The following PPM1E variants were observed in gnomAD, a reference collection of about 807,000 sequenced individuals.
PPM1E encodes protein phosphatase 1E.
PPM1E carries 20 observed loss-of-function variants against 65.9 expected under a neutral mutation model. That is an observed-to-expected ratio of 0.30 (90% CI 0.21 to 0.44). The LOEUF (loss-of-function observed/expected upper bound fraction) is 0.44. PPM1E is among the 20% of genes least tolerant of loss of function. The pLI is 1.00. For synonymous variants in PPM1E, 352 were observed against 374.9 expected (o/e 0.94, Z 0.70); for missense variants, 713 against 953.1 (o/e 0.75, Z 3.32).
At chr17:58,957,328 G>T (rs1460027827) in intron 2 of PPM1E, among the ~76,000 whole-genome samples, 1 of 152,158 alleles carries the variant, frequency 6.6e-6, no homozygotes, top group African/African-American at 2.4e-5. Flanking sequence ...AATCTAGAAA[G>T]ATTGCAGTGT....
chr17:58,808,059 T>A (rs1004789920), intron 1 of PPM1E, among the ~76,000 whole-genome samples: 9 of 152,222 alleles, frequency 5.9e-5, no homozygotes, highest in African/African-American at 2.2e-4. Flanking sequence ...TGTGTGTTTA[T>A]ATGTGTATGT....
At chr17:58,858,943 A>C (rs1311901023) in intron 1 of PPM1E, among the ~76,000 whole-genome samples, 6 of 152,214 alleles carry the variant, frequency 3.9e-5, no homozygotes, top group Admixed American at 2.6e-4. Context: ...TTACATTTTT[A>C]ATTTGCATTA....
chr17:58,806,665 G>A (rs1275417908), intron 1 of PPM1E, among the ~76,000 whole-genome samples: 2 of 151,640 alleles, frequency 1.3e-5, no homozygotes, highest in Non-Finnish European at 2.9e-5. Flanking sequence ...CAGGATCACA[G>A]GATAACCTAA....
At chr17:58,896,778 A>G (rs1421935009) in intron 1 of PPM1E, among the ~76,000 whole-genome samples, 1 of 152,202 alleles carries the variant, frequency 6.6e-6, no homozygotes, top group African/African-American at 2.4e-5. Flanking sequence ...ACTAGACAAC[A>G]GACTTTCAAT....
intron 1 of PPM1E, among the ~76,000 whole-genome samples, chr17:58,758,995 A>C (rs1476925436): frequency 6.6e-6 from 1 of 152,110 alleles, no homozygotes; most frequent in Non-Finnish European, 1.5e-5. Flanking sequence ...GCTTGAACCC[A>C]GGAGGCGGAG....
chr17:58,825,960 T>A (rs777788142), intron 1 of PPM1E, among the ~76,000 whole-genome samples: 5 of 152,130 alleles, frequency 3.3e-5, no homozygotes, highest in Non-Finnish European at 5.9e-5. Context: ...TAATGGTTCC[T>A]GACATTTTTT....
chr17:58,793,826 A>G (rs1014916617), intron 1 of PPM1E, among the ~76,000 whole-genome samples: 1 of 152,130 alleles, frequency 6.6e-6, no homozygotes, highest in South Asian at 2.1e-4. Context: ...TAATACTTCT[A>G]TATAAACTGT....
chr17:58,873,294 T>A (rs2051091515), intron 1 of PPM1E, among the ~76,000 whole-genome samples: 1 of 152,200 alleles, frequency 6.6e-6, no homozygotes, highest in East Asian at 1.9e-4. Context: ...TAGTTCTGTA[T>A]TATACTATCA....
At chr17:58,976,674 C>A (rs1269639654) in intron 6 of PPM1E, among the ~76,000 whole-genome samples, 1 of 152,164 alleles carries the variant, frequency 6.6e-6, no homozygotes, top group Non-Finnish European at 1.5e-5. Context: ...AATGGATATT[C>A]ATGCCCTCCT....
intron 1 of PPM1E, among the ~76,000 whole-genome samples, chr17:58,855,286 C>T (rs557934147): frequency 6.6e-6 from 1 of 152,270 alleles, no homozygotes; most frequent in Non-Finnish European, 1.5e-5. Flanking sequence ...TAGAGCCTAA[C>T]TGACCTGGGA....
intron 1 of PPM1E, among the ~76,000 whole-genome samples, chr17:58,775,126 C>T (rs1468854471): frequency 1.3e-5 from 2 of 152,154 alleles, no homozygotes; most frequent in Admixed American, 1.3e-4. Context: ...GCTGGAATTA[C>T]AGGTGTGATA....
intron 1 of PPM1E, among the ~76,000 whole-genome samples, chr17:58,911,860 A>AGT (rs2051631028): frequency 6.6e-6 from 1 of 152,212 alleles, no homozygotes; most frequent in Non-Finnish European, 1.5e-5. Context: ...TAAGAGAGTG[A>AGT]GTGTTAGAAA....
intron 1 of PPM1E, among the ~76,000 whole-genome samples, chr17:58,925,815 C>T (rs1021148998): frequency 4.6e-5 from 7 of 151,904 alleles, no homozygotes; most frequent in African/African-American, 9.7e-5. Flanking sequence ...AATTTTCTCC[C>T]GTTCTGTAGG....
chr17:58,798,230 G>GTTT (rs980535079), intron 1 of PPM1E, among the ~76,000 whole-genome samples: 7,714 of 129,898 alleles, frequency 0.059, 496 homozygotes, highest in South Asian at 0.26. Flanking sequence ...TTTTTTGTTT[G>GTTT]TTTTTTTTTT....
chr17:58,770,021 T>C (rs2049920695), intron 1 of PPM1E, among the ~76,000 whole-genome samples: 1 of 151,780 alleles, frequency 6.6e-6, no homozygotes, highest in African/African-American at 2.4e-5. Context: ...AGCAAAACTC[T>C]ATCTAAAAAA....
intron 1 of PPM1E, chr17:58,785,753 G>C (rs1471865243): frequency 6.6e-6 from 1 of 151,880 alleles, no homozygotes; most frequent in Non-Finnish European, 1.5e-5. Context: ...ACCAGACCCA[G>C]TTGCTGATTG....
chr17:58,934,087 CAAAAAAA>C (rs11316368), intron 1 of PPM1E, among the ~76,000 whole-genome samples: 10 of 80,160 alleles, frequency 1.2e-4, no homozygotes, highest in Non-Finnish European at 2.2e-4. Flanking sequence ...GACTTCGTAT[CAAAAAAA>C]AAAAAAAAAA....
intron 1 of PPM1E, among the ~76,000 whole-genome samples, chr17:58,913,546 C>T (rs192231586): frequency 2.6e-5 from 4 of 152,102 alleles, no homozygotes; most frequent in Admixed American, 2.6e-4. Context: ...AAACGTAGAG[C>T]CAGCTGAGCA....
At chr17:58,777,156 T>C (rs11655808) in intron 1 of PPM1E, among the ~76,000 whole-genome samples, 34,556 of 151,964 alleles carry the variant, frequency 0.23, 5,099 homozygotes, top group Middle Eastern at 0.41. Context: ...AGCTCTGAAC[T>C]TGGAGGCTGC....
Sources: gnomAD v4.1 joint callset for allele counts (sites outside exome capture counted in the v4.1 genomes callset) on GRCh38, gnomAD v4.1.1 for gene constraint, MANE v1.5 for transcripts, NCBI Gene and HGNC (gene_info 2026-07-23, HGNC 2026-07-21) for gene names.